The following ACSM6 variants were observed in gnomAD, a reference collection of about 807,000 sequenced individuals.
ACSM6 encodes the protein acyl-CoA synthetase medium chain family member 6.
ACSM6 carries 35 observed loss-of-function variants against 51.1 expected under a neutral mutation model. That is an observed-to-expected ratio of 0.69 (90% confidence interval 0.52 to 0.91). The LOEUF (loss-of-function observed/expected upper bound fraction) is 0.91, where lower values mean the gene tolerates loss of function less well. ACSM6 is among the 40% of genes least tolerant of loss of function. The probability of loss-of-function intolerance (pLI) is 0.00; values close to 1 mark genes in which losing one functional copy is unlikely to be tolerated. For missense variants in ACSM6, 509 were observed against 584.1 expected (o/e 0.87, Z 1.32); for synonymous variants, 172 against 207.3 (o/e 0.83, Z 1.46).
chr10:95,210,808 C>G lies in ACSM6; in HGVS notation c.755+15C>G. ...CAGGCTTCCAGGTACGGTTCTCGCA[C>G]AGCCTGTACAGGCCTGAAAGTTGTT... On this transcript the variant is annotated intron_variant, in intron 5 of 10. Transcript: ENST00000341686. 6.2e-7 allele frequency: 1 copy of G among 1,610,948 alleles called. No individual in the cohort carries two copies.
intron 9 of ACSM6, among the ~76,000 whole-genome samples, chr10:95,220,334 T>A (rs1025972871): frequency 6.6e-6 from 1 of 152,202 alleles, no homozygotes; most frequent in African/African-American, 2.4e-5. Flanking sequence ...ACTAAAAATA[T>A]ACTAAAGTGG....
At chr10:95,200,820 T>G (rs1454979946) in intron 2 of ACSM6, among the ~76,000 whole-genome samples, 3 of 135,522 alleles carry the variant, frequency 2.2e-5, no homozygotes, top group African/African-American at 2.8e-5. Flanking sequence ...GGGAAAGAGA[T>G]GAGAGAGAGA....
intron 7 of ACSM6, 43 bp from the exon 8 acceptor site, chr10:95,214,809 A>T: frequency 6.5e-7 from 1 of 1,543,210 alleles, no homozygotes; most frequent in Non-Finnish European, 8.7e-7. Flanking sequence ...TTATTGGTAG[A>T]AATATTCCCT....
exon 2 of ACSM6, chr10:95,194,650 G>A: frequency 1.3e-6 from 2 of 1,552,164 alleles, no homozygotes; most frequent in Non-Finnish European, 1.7e-6. Context: ...CAAAGGATGT[G>A]TTGGATCAGT....
chr10:95,200,164 G>A (rs567226659), intron 2 of ACSM6, among the ~76,000 whole-genome samples: 1 of 152,240 alleles, frequency 6.6e-6, no homozygotes, highest in African/African-American at 2.4e-5. Flanking sequence ...ATACTATGCA[G>A]CCATAAAAAA....
intron 2 of ACSM6, among the ~76,000 whole-genome samples, chr10:95,198,811 TG>T (rs1034731431): frequency 2.0e-5 from 3 of 152,098 alleles, no homozygotes; most frequent in African/African-American, 7.2e-5. Flanking sequence ...GAGAAGGGGT[TG>T]GGGAAGGCCC....
intron 8 of ACSM6, among the ~76,000 whole-genome samples, chr10:95,219,089 T>C (rs1298726244): frequency 6.6e-6 from 1 of 152,198 alleles, no homozygotes; most frequent in African/African-American, 2.4e-5. Flanking sequence ...ACACCCATGG[T>C]TGACTCATCC....
chr10:95,227,642 G>A (rs1250958966), intron 10 of ACSM6, among the ~76,000 whole-genome samples: 1 of 152,194 alleles, frequency 6.6e-6, no homozygotes, highest in Admixed American at 6.5e-5. Context: ...TGGGATTATT[G>A]TGCTGTTTGA....
chr10:95,196,491 G>T (rs1031544175), intron 2 of ACSM6, among the ~76,000 whole-genome samples: 2 of 152,150 alleles, frequency 1.3e-5, no homozygotes, highest in African/African-American at 4.8e-5. Context: ...TCATAGAATT[G>T]TTAGAAAATA....
At chr10:95,204,380 C>T (rs1429762209) in intron 3 of ACSM6, among the ~76,000 whole-genome samples, 1 of 151,932 alleles carries the variant, frequency 6.6e-6, no homozygotes, top group Non-Finnish European at 1.5e-5. Context: ...GGTGAAACCC[C>T]GTCTCTACTA....
intron 6 of ACSM6, 137 bp downstream of exon 6, chr10:95,212,171 C>CA: frequency 9.4e-6 from 10 of 1,065,970 alleles, no homozygotes; most frequent in Non-Finnish European, 1.1e-5. Flanking sequence ...AAGATGCTCT[C>CA]CCTGCTTGTG....
chr10:95,197,383 A>G (rs958651663), intron 2 of ACSM6, among the ~76,000 whole-genome samples: 35 of 152,222 alleles, frequency 2.3e-4, no homozygotes, highest in African/African-American at 8.4e-4. Context: ...ATTGATTATT[A>G]TCTTCATTAT....
intron 10 of ACSM6, among the ~76,000 whole-genome samples, chr10:95,227,793 C>A (rs1023473118): frequency 6.6e-6 from 1 of 152,194 alleles, no homozygotes; most frequent in Non-Finnish European, 1.5e-5. Context: ...TCTGGCCGGG[C>A]GCGGTGGCTC....
intron 9 of ACSM6, 84 bp from the exon 10 acceptor site, chr10:95,225,206 G>C: frequency 2.0e-6 from 2 of 1,015,930 alleles, no homozygotes; most frequent in Non-Finnish European, 3.0e-6. Flanking sequence ...GGGGTAGAAA[G>C]GCTTAAGTTT....
rs375812665 is a variant in ACSM6 at position 95,204,306 on chromosome 10, C to T, written c.403+2111C>T. Among the ~76,000 whole-genome samples, 35 of 152,304 alleles carry T rather than the reference C, an allele frequency of 2.3e-4. No individual in the cohort carries two copies. In the East Asian group the frequency reaches 4.6e-3, roughly 20 times the overall value. On this transcript the variant is annotated intron_variant, in intron 3 of 10. Coordinates refer to ENST00000341686, the Ensembl canonical transcript of ACSM6. Reference sequence around the variant, plus strand: ...AGTGGCTACGCCTGTAATCCCAGCACTTTGGGAGGCCGAGGTGGGAGGATC... The same window carrying T: ...AGTGGCTACGCCTGTAATCCCAGCATTTTGGGAGGCCGAGGTGGGAGGATC...
chr10:95,202,929 G>T (rs1379000337), intron 3 of ACSM6, among the ~76,000 whole-genome samples: 2 of 132,802 alleles, frequency 1.5e-5, no homozygotes, highest in Non-Finnish European at 3.2e-5. Context: ...ACAGAGCAAG[G>T]CTCTGTCTCA....
intron 2 of ACSM6, among the ~76,000 whole-genome samples, chr10:95,197,897 C>T (rs2034751231): frequency 6.6e-6 from 1 of 152,230 alleles, no homozygotes; most frequent in African/African-American, 2.4e-5. Flanking sequence ...TGCGGCTTTC[C>T]GCAGTGCACT....
At chr10:95,204,255 T>C in intron 3 of ACSM6, among the ~76,000 whole-genome samples, 1 of 152,132 alleles carries the variant, frequency 6.6e-6, no homozygotes, top group East Asian at 1.9e-4. Flanking sequence ...GACCAAAGTA[T>C]ATGTAAGAAT....
chr10:95,213,720 A>G (rs2034918433), intron 7 of ACSM6, among the ~76,000 whole-genome samples: 1 of 152,222 alleles, frequency 6.6e-6, no homozygotes, highest in African/African-American at 2.4e-5. Context: ...AGAATTGCCA[A>G]TCATCATCGA....
Sources: allele counts gnomAD v4.1 joint callset (sites outside exome capture counted in the v4.1 genomes callset), GRCh38; gene constraint gnomAD v4.1.1; transcripts MANE v1.5; gene names NCBI Gene and HGNC (gene_info 2026-07-23, HGNC 2026-07-21).